PPM1H: variants seen among roughly 807,000 people sequenced by gnomAD.
The protein encoded by PPM1H is protein phosphatase, Mg2+/Mn2+ dependent 1H, also known as protein phosphatase 1H.
PPM1H carries 27 observed loss-of-function variants against 54.9 expected under a neutral mutation model. That is an observed-to-expected ratio of 0.49 (90% confidence interval 0.36 to 0.68). PPM1H has a LOEUF of 0.68. Ranked by LOEUF, PPM1H falls within the 30% of genes least tolerant of loss-of-function variation. The pLI is 0.00. For synonymous variants in PPM1H, 305 were observed against 270.8 expected (o/e 1.13, Z -1.24); for missense variants, 596 against 667.8 (o/e 0.89, Z 1.19).
At chr12:62,785,610 C>T (rs1450547651) in intron 4 of PPM1H, among the ~76,000 whole-genome samples, 2 of 152,212 alleles carry the variant, frequency 1.3e-5, no homozygotes, top group South Asian at 2.1e-4. Context: ...AAAAGTGTCA[C>T]TCCTCATGGG....
At chr12:62,880,408 G>A (rs906553564) in intron 1 of PPM1H, among the ~76,000 whole-genome samples, 1 of 152,166 alleles carries the variant, frequency 6.6e-6, no homozygotes, top group Non-Finnish European at 1.5e-5. Flanking sequence ...CCCTTGCTGA[G>A]CCCCAAGACT....
intron 1 of PPM1H, among the ~76,000 whole-genome samples, chr12:62,888,674 T>G (rs775232241): frequency 1.3e-5 from 2 of 152,120 alleles, no homozygotes; most frequent in African/African-American, 4.8e-5. Flanking sequence ...CTGGTGACAT[T>G]ATAAAAAACA....
rs150430246 is a variant in PPM1H at position 62,712,101 on chromosome 12, G to A, written c.1073+8070C>T. On this transcript the variant is annotated intron_variant, in intron 6 of 9. Transcript: ENST00000228705. ...TCATCATCTCAGCTCTGGAAGCCCCGGGAGAGGCCCCTCCCCATGTGGGGC... is the reference window on the plus strand; with the variant it reads ...TCATCATCTCAGCTCTGGAAGCCCCAGGAGAGGCCCCTCCCCATGTGGGGC... Among the ~76,000 whole-genome samples, 769 of 152,300 alleles carry A rather than the reference G, an allele frequency of 5.0e-3. 7 individuals carry two copies. The highest frequency in any genetic ancestry group is 0.018 in the African/African-American group (731 of 41,576).
chr12:62,864,964 A>T (rs1469626738), intron 1 of PPM1H, among the ~76,000 whole-genome samples: 2 of 152,210 alleles, frequency 1.3e-5, no homozygotes, highest in African/African-American at 4.8e-5. Flanking sequence ...TGATAATTTG[A>T]GCAATCACAA....
chr12:62,804,877 G>A (rs983600900), intron 2 of PPM1H, among the ~76,000 whole-genome samples: 14 of 151,190 alleles, frequency 9.3e-5, no homozygotes, highest in Admixed American at 3.3e-4. Flanking sequence ...GGGTTTCACC[G>A]TTTTAGCTGG....
intron 1 of PPM1H, among the ~76,000 whole-genome samples, chr12:62,897,264 AG>A (rs1871022712): frequency 6.6e-6 from 1 of 152,056 alleles, no homozygotes; most frequent in African/African-American, 2.4e-5. Flanking sequence ...AAAAATTGCC[AG>A]TGTTTTTTCC....
Position 62,647,151 on chromosome 12 carries a change from T to G in PPM1H, c.*1338A>C, listed in dbSNP as rs534305639. ...CCAGCAGAGAAGCAGCAGGTAGATA[T>G]GGCATGCACTGTGCCTGCTGCTGCT... On this transcript the variant is annotated 3_prime_UTR_variant, in exon 10 of 10. Transcript: ENST00000228705. 6.6e-6 allele frequency: 1 copy of G among 152,322 alleles called. No homozygotes were observed. Among genetic ancestry groups the G allele is most frequent in the East Asian group, 1.9e-4 (1 of 5,176 alleles). The allele number at this position is 152,322 out of a possible 1,614,324, so 9.4% of individuals were successfully genotyped here.
chr12:62,769,198 C>T (rs2076563403), intron 4 of PPM1H, among the ~76,000 whole-genome samples: 1 of 152,144 alleles, frequency 6.6e-6, no homozygotes, highest in Admixed American at 6.5e-5. Context: ...GAACAGTGGG[C>T]TAGTCTAGCT....
chr12:62,845,599 A>G (rs1565807557), intron 1 of PPM1H, among the ~76,000 whole-genome samples: 1 of 152,174 alleles, frequency 6.6e-6, no homozygotes, highest in African/African-American at 2.4e-5. Flanking sequence ...TGTACAAGGG[A>G]ACCTCAAGTG....
At chr12:62,657,447 T>A (rs2075851223) in intron 9 of PPM1H, among the ~76,000 whole-genome samples, 1 of 152,134 alleles carries the variant, frequency 6.6e-6, no homozygotes. Flanking sequence ...GTTGGCTGTG[T>A]GCTGTTAGAG....
chr12:62,810,329 A>G (rs1242409713), intron 2 of PPM1H, among the ~76,000 whole-genome samples: 3 of 152,138 alleles, frequency 2.0e-5, no homozygotes, highest in Non-Finnish European at 4.4e-5. Context: ...AAGTGTGCCA[A>G]GCAAATAAGG....
At chr12:62,687,892 C>T (rs2136635350) in intron 8 of PPM1H, among the ~76,000 whole-genome samples, 1 of 151,832 alleles carries the variant, frequency 6.6e-6, no homozygotes, top group South Asian at 2.1e-4. Context: ...ACCTGTAATC[C>T]CAGCTACTTG....
At chr12:62,871,363 AGTGGTTAGTGCATAG>A (rs1378686666) in intron 1 of PPM1H, among the ~76,000 whole-genome samples, 1 of 152,172 alleles carries the variant, frequency 6.6e-6, no homozygotes, top group African/African-American at 2.4e-5. Context: ...CAAGTAGATT[AGTGGTTAGTGCATAG>A]GGGAGGCAGA....
chr12:62,757,127 G>A (rs931986002), intron 4 of PPM1H, among the ~76,000 whole-genome samples: 9 of 152,154 alleles, frequency 5.9e-5, no homozygotes, highest in Non-Finnish European at 1.3e-4. Flanking sequence ...CTCGTGAGAA[G>A]CCTCAGTGGG....
intron 8 of PPM1H, among the ~76,000 whole-genome samples, chr12:62,667,700 A>G (rs1208149068): frequency 6.6e-6 from 1 of 152,232 alleles, no homozygotes; most frequent in Admixed American, 6.5e-5. Flanking sequence ...TTGCGTATTC[A>G]TTCAGCAAAC....
Position 62,646,996 on chromosome 12 carries a change from A to G in PPM1H, c.*1493T>C, listed in dbSNP as rs1292902785. On this transcript the variant is annotated 3_prime_UTR_variant, in exon 10 of 10. Coordinates refer to ENST00000228705, the MANE Select transcript of PPM1H (RefSeq NM_020700.2). ...CTTTTTGGGTCAGAAGAGTGTTTTA[A>G]TTACTCAAAGTTGTCAAAATGGTGG... The G allele has an allele frequency of 3.3e-5, 5 of 152,064 alleles. No homozygotes were observed. The highest frequency in any genetic ancestry group is 1.2e-4 in the African/African-American group (5 of 41,298). 9.4% of individuals were successfully genotyped at this position (152,064 alleles called of 1,614,324 possible).
chr12:62,826,772 C>A (rs1047321915), intron 2 of PPM1H, among the ~76,000 whole-genome samples: 4 of 152,164 alleles, frequency 2.6e-5, no homozygotes, highest in Non-Finnish European at 5.9e-5. Flanking sequence ...ATATGTATTC[C>A]AGAGGGACTT....
At chr12:62,852,297 T>C (rs1157038969) in intron 1 of PPM1H, among the ~76,000 whole-genome samples, 1 of 148,822 alleles carries the variant, frequency 6.7e-6, no homozygotes, top group Non-Finnish European at 1.5e-5. Context: ...GGTGGAGCCC[T>C]GGTGAATGGG....
chr12:62,885,085 C>G (rs1045992002), intron 1 of PPM1H, among the ~76,000 whole-genome samples: 14 of 152,046 alleles, frequency 9.2e-5, no homozygotes, highest in African/African-American at 3.4e-4. Flanking sequence ...AGGGAAGAAG[C>G]AAAAGTAGAA....
Sources: allele counts gnomAD v4.1 joint callset (sites outside exome capture counted in the v4.1 genomes callset), GRCh38; gene constraint gnomAD v4.1.1; transcripts MANE v1.5; gene names NCBI Gene and HGNC (gene_info 2026-07-23, HGNC 2026-07-21).